PREX1: variants seen among roughly 807,000 people sequenced by gnomAD.
PREX1 encodes phosphatidylinositol-3,4,5-trisphosphate dependent Rac exchange factor 1.
A neutral mutation model predicts 198.3 loss-of-function variants in PREX1; 41 were observed. That is an observed-to-expected ratio of 0.21 (90% confidence interval 0.16 to 0.27). The LOEUF is 0.27. Among genes scored for constraint, PREX1 ranks in the 10% least tolerant of loss-of-function variants. PREX1 has a pLI of 1.00. For synonymous variants in PREX1, 843 were observed against 887.2 expected (o/e 0.95, Z 0.89); for missense variants, 1,620 against 2,200.7 (o/e 0.74, Z 5.28).
At chr20:48,852,356 AT>A in the PREX1 span, among the ~76,000 whole-genome samples, 1 of 152,032 alleles carries the variant, frequency 6.6e-6, no homozygotes, top group Non-Finnish European at 1.5e-5. Context: ...TGGAGGCGGA[AT>A]TTTTTTCAAG....
At chr20:48,795,982 C>T (rs913242990) in intron 1 of PREX1, among the ~76,000 whole-genome samples, 4 of 152,150 alleles carry the variant, frequency 2.6e-5, no homozygotes, top group African/African-American at 7.2e-5. Flanking sequence ...TGAACAAACA[C>T]ACAGGGAAAG....
At position 48,708,301 on chromosome 20, in the gene PREX1, C is replaced by T. The variant is rs2089913264; in HGVS notation, c.742G>A (p.Glu248Lys). ...TGGGACTGCAGCTGCTCCAGGGCTT[C>T]CAGCTTCTCCATCTGCCGCTTGGTC... ...NETKRQMEKL[E>K]ALEQLQSHIE... is the part of the protein sequence containing the mutation. The change falls in exon 6 of 40, where the codon GAA becomes AAA. Residue 248 changes from glutamate (E) to lysine (K), a missense_variant. Glu to Lys is a moderately conservative substitution (Grantham distance 56, BLOSUM62 1). Coordinates refer to ENST00000371941, the MANE Select transcript of PREX1 (RefSeq NM_020820.4). The T allele has an allele frequency of 6.2e-7, 1 of 1,614,028 alleles. No homozygotes were observed. The highest frequency in any genetic ancestry group is 8.5e-7 in the Non-Finnish European group (1 of 1,180,036).
chr20:48,688,579 A>C (rs1359979029), intron 10 of PREX1, 78 bp downstream of exon 10: 2 of 1,581,704 alleles, frequency 1.3e-6, no homozygotes, highest in East Asian at 2.2e-5. Flanking sequence ...GCCAGGCTGC[A>C]TGGGTGGATG....
At chr20:48,814,984 T>C (rs1600532598) in intron 1 of PREX1, among the ~76,000 whole-genome samples, 2 of 152,226 alleles carry the variant, frequency 1.3e-5, no homozygotes, top group South Asian at 2.1e-4. Flanking sequence ...AAAGGCAACA[T>C]GGCTATAGCA....
chr20:48,852,154 TG>T, the PREX1 span, among the ~76,000 whole-genome samples: 1 of 152,020 alleles, frequency 6.6e-6, no homozygotes, highest in Non-Finnish European at 1.5e-5. Flanking sequence ...CATTCCTGGA[TG>T]GAGAGTTAAA....
In PREX1 at chr20:48,649,375, T is replaced by A. The variant is rs201967121; in HGVS notation, c.3230A>T (p.Asp1077Val). ...CTTGGTGAAGAGCTGCAGGTAGGCA[T>A]CCTGGATCTCACGGTCCTCCTGCTT... ...LLKQEDREIQ[D>V]AYLQLFTKLD... The change falls in exon 25 of 40, where the codon GAT becomes GTT. Residue 1077 changes from aspartate (D) to valine (V), a missense_variant. Asp to Val is a radical substitution (Grantham distance 152, BLOSUM62 -3). Around this residue, in one of 7 missense-constraint regions of PREX1, gnomAD observed 514 missense variants for 611.6 expected, o/e 0.84. Coordinates refer to ENST00000371941, the MANE Select transcript of PREX1 (RefSeq NM_020820.4). 201 of 1,614,048 alleles carry A rather than the reference T, an allele frequency of 1.2e-4. No individual in the cohort carries two copies. The highest frequency in any genetic ancestry group is 1.5e-4 in the Non-Finnish European group (180 of 1,180,026).
intron 1 of PREX1, among the ~76,000 whole-genome samples, chr20:48,769,425 T>G (rs945007384): frequency 6.6e-6 from 1 of 152,020 alleles, no homozygotes; most frequent in African/African-American, 2.4e-5. Flanking sequence ...CGCTGGGGCA[T>G]CTCTAGGAGC....
At chr20:48,703,943 CAT>C (rs995185391) in intron 6 of PREX1, among the ~76,000 whole-genome samples, 12 of 152,232 alleles carry the variant, frequency 7.9e-5, no homozygotes, top group African/African-American at 2.7e-4. Flanking sequence ...AGCACCAAGA[CAT>C]GTGGACCAGT....
At chr20:48,696,740 C>T (rs1009935328) in intron 7 of PREX1, among the ~76,000 whole-genome samples, 1 of 152,074 alleles carries the variant, frequency 6.6e-6, no homozygotes, top group Admixed American at 6.6e-5. Flanking sequence ...ATGGAAAGGA[C>T]TTGCTGATGT....
At position 48,655,390 on chromosome 20, in the gene PREX1, A is replaced by G. The variant is rs2089535182; in HGVS notation, c.2124-15T>C. The G allele has an allele frequency of 2.6e-6, 4 of 1,509,470 alleles. No individual in the cohort carries two copies. Among genetic ancestry groups the G allele is most frequent in the African/African-American group, 1.4e-5 (1 of 70,682 alleles). 93.5% of individuals were successfully genotyped at this position (1,509,470 alleles called of 1,614,324 possible). ...TTTTGATGATCCTGCACCAGGTAGA[A>G]GAGGCAGGGAAAAAGGCCATGAGGA... is the stretch of plus-strand genomic sequence containing the variant. On this transcript the variant is annotated splice_polypyrimidine_tract_variant and intron_variant, in intron 18 of 39. Coordinates refer to ENST00000371941, the MANE Select transcript of PREX1 (RefSeq NM_020820.4).
At chr20:48,741,077 C>T (rs1377624524) in intron 3 of PREX1, among the ~76,000 whole-genome samples, 4 of 151,758 alleles carry the variant, frequency 2.6e-5, no homozygotes, top group South Asian at 2.1e-4. Flanking sequence ...GGCACAATCT[C>T]GACTCACTGC....
chr20:48,641,538 G>A (rs188197795), intron 29 of PREX1, among the ~76,000 whole-genome samples: 1 of 152,032 alleles, frequency 6.6e-6, no homozygotes, highest in Non-Finnish European at 1.5e-5. Context: ...TGGAATCCCA[G>A]CACTTTGGGA....
At chr20:48,869,117 C>A in the PREX1 span, among the ~76,000 whole-genome samples, 1 of 152,102 alleles carries the variant, frequency 6.6e-6, no homozygotes, top group Non-Finnish European at 1.5e-5. Flanking sequence ...TCAAGTGATC[C>A]TCCTGCCTTG....
At chr20:48,863,300 A>C in the PREX1 span, among the ~76,000 whole-genome samples, 2 of 152,084 alleles carry the variant, frequency 1.3e-5, no homozygotes, top group African/African-American at 4.8e-5. Flanking sequence ...ATTATTATTA[A>C]CTAAGGCCCA....
chr20:48,769,409 C>T (rs954942430), intron 1 of PREX1, among the ~76,000 whole-genome samples: 9 of 152,184 alleles, frequency 5.9e-5, no homozygotes, highest in African/African-American at 1.4e-4. Flanking sequence ...CCTACTCTAC[C>T]GTCGTCGCTG....
intron 1 of PREX1, among the ~76,000 whole-genome samples, chr20:48,774,310 G>A (rs138426460): frequency 6.6e-4 from 101 of 152,360 alleles, no homozygotes; most frequent in African/African-American, 2.2e-3. Flanking sequence ...ACACCAGAGC[G>A]GAGGCCTGAA....
At chr20:48,887,884 A>C in the PREX1 span, among the ~76,000 whole-genome samples, 1 of 151,658 alleles carries the variant, frequency 6.6e-6, no homozygotes, top group Admixed American at 6.6e-5. Flanking sequence ...CGGGAGGCGG[A>C]GCTTGCAGTG....
At chr20:48,773,067 G>A (rs2090244078) in intron 1 of PREX1, among the ~76,000 whole-genome samples, 2 of 152,134 alleles carry the variant, frequency 1.3e-5, no homozygotes, top group African/African-American at 4.8e-5. Flanking sequence ...AGGAGTTCAA[G>A]ACCAGCCTCG....
At chr20:48,737,182 A>G (rs1480721397) in intron 3 of PREX1, among the ~76,000 whole-genome samples, 1 of 141,294 alleles carries the variant, frequency 7.1e-6, no homozygotes, top group African/African-American at 2.7e-5. Context: ...TTTATTGAAC[A>G]GGGTAGGGCA....
Sources: gnomAD v4.1 joint callset for allele counts (sites outside exome capture counted in the v4.1 genomes callset) on GRCh38, gnomAD v4.1.1 for gene constraint, gnomAD v4.1.1 regional missense constraint, MANE v1.5 for transcripts, NCBI Gene and HGNC (gene_info 2026-07-23, HGNC 2026-07-21) for gene names.